Variants in NLGN4X observed in about 807,000 individuals in gnomAD.
The protein encoded by NLGN4X is neuroligin-4, X-linked.
In NLGN4X, 3 loss-of-function variants were observed where a neutral mutation model predicts 40.3. The ratio of observed to expected loss-of-function variants is 0.07; its 90% CI spans 0.03 to 0.19. The LOEUF is 0.19. Among genes scored for constraint, NLGN4X ranks in the 10% least tolerant of loss-of-function variants. The pLI is 1.00. For synonymous variants in NLGN4X, 270 were observed against 306.8 expected (o/e 0.88, Z 1.25); for missense variants, 382 against 708.3 (o/e 0.54, Z 5.23).
At position 5,890,462 on chromosome X, in the gene NLGN4X, G is replaced by A. The variant is rs138160519; in HGVS notation, c.*2355C>T. The stretch of plus-strand genomic sequence containing the variant: ...CTTATTCAAATGTCACAAGCCTGAC[G>A]CGTTACTGTACATATTGCTAGCAGG... On this transcript the variant is annotated 3_prime_UTR_variant, in exon 6 of 6. Transcript: ENST00000381095. 18 of 260,925 alleles carry A rather than the reference G, an allele frequency of 6.9e-5. No homozygotes were observed. Among genetic ancestry groups the A allele is most frequent in the Admixed American group, 3.3e-4 (7 of 21,022 alleles). The allele number at this position is 260,925 out of a possible 1,213,427, so 21.5% of individuals were successfully genotyped here. A position where few individuals can be genotyped will look rare whatever the true frequency, so the allele number is the denominator to read the frequency against.
intron 1 of NLGN4X, among the ~76,000 whole-genome samples, chrX:6,191,302 A>C (rs1208970086): frequency 9.0e-6 from 1 of 111,615 alleles, no homozygotes; most frequent in African/African-American, 3.3e-5. Flanking sequence ...TGTTGCACAC[A>C]GGCAGACAGA....
At chrX:6,087,411 A>G (rs758166717) in intron 2 of NLGN4X, among the ~76,000 whole-genome samples, 8 of 111,945 alleles carry the variant, frequency 7.1e-5, no homozygotes, top group Non-Finnish European at 1.3e-4. Context: ...GTGCATACAT[A>G]GGTTTAAGGA....
At chrX:6,163,503 C>A (rs1195226938) in intron 1 of NLGN4X, among the ~76,000 whole-genome samples, 1 of 111,974 alleles carries the variant, frequency 8.9e-6, no homozygotes, top group Non-Finnish European at 1.9e-5. Flanking sequence ...ATGAAGCCAG[C>A]CTGTGCTCCA....
chrX:6,082,583 A>T (rs1021991522), intron 2 of NLGN4X, among the ~76,000 whole-genome samples: 1 of 111,468 alleles, frequency 9.0e-6, no homozygotes, highest in African/African-American at 3.3e-5. Flanking sequence ...GATGTATCTA[A>T]TAGATAGATA....
At chrX:5,917,803 C>A (rs757289789) in intron 3 of NLGN4X, among the ~76,000 whole-genome samples, 4 of 112,234 alleles carry the variant, frequency 3.6e-5, no homozygotes, top group African/African-American at 1.3e-4. Flanking sequence ...AAATTGACTG[C>A]TGGTCAAATT....
Position 5,905,184 on chromosome X carries a change from T to C in NLGN4X, c.812-1318A>G, listed in dbSNP as rs539579975. Among the ~76,000 whole-genome samples the C allele has an allele frequency of 9.8e-5, 11 of 111,785 alleles. No homozygotes were observed. The South Asian group carries it at 4.1e-3, about 42-fold the overall frequency. On this transcript the variant is annotated intron_variant, in intron 4 of 5. Transcript: ENST00000381095. Reference sequence around the variant, plus strand: ...GTGAGAAGTTCCTTTCCCGCCCTTCTCATAAGTACTGGCAATAATTTAGGC... The same window carrying C: ...GTGAGAAGTTCCTTTCCCGCCCTTCCCATAAGTACTGGCAATAATTTAGGC...
At position 6,172,040 on chromosome X, in the gene NLGN4X, G is replaced by A. The variant is rs183744817; in HGVS notation, c.-305-20269C>T. ...CTTCACCTTCTGTCATGATTGACACGTTCCTGAGGCCTCCCCAGGAGCCGC... is the reference window on the plus strand; with the variant it reads ...CTTCACCTTCTGTCATGATTGACACATTCCTGAGGCCTCCCCAGGAGCCGC... On this transcript the variant is annotated intron_variant, in intron 1 of 5. Coordinates refer to ENST00000381095, the MANE Select transcript of NLGN4X (RefSeq NM_181332.3). Among the ~76,000 whole-genome samples, 506 of 111,565 alleles carry A rather than the reference G, an allele frequency of 4.5e-3. 3 individuals carry two copies. Among genetic ancestry groups the A allele is most frequent in the Non-Finnish European group, 7.3e-3 (390 of 53,085 alleles).
intron 3 of NLGN4X, among the ~76,000 whole-genome samples, chrX:5,922,215 T>G (rs1350680909): frequency 9.0e-6 from 1 of 111,342 alleles, no homozygotes; most frequent in Non-Finnish European, 1.9e-5. Context: ...GTGTGTCAGA[T>G]TTCACCTCTT....
intron 1 of NLGN4X, among the ~76,000 whole-genome samples, chrX:6,167,107 A>G (rs2040516336): frequency 9.3e-6 from 1 of 107,665 alleles, no homozygotes; most frequent in Non-Finnish European, 1.9e-5. Context: ...AATAAAAGGC[A>G]AATATCTCCA....
intron 1 of NLGN4X, among the ~76,000 whole-genome samples, chrX:6,208,802 T>C (rs1244268161): frequency 8.9e-6 from 1 of 111,764 alleles, no homozygotes; most frequent in Non-Finnish European, 1.9e-5. Context: ...TTAGTATAAG[T>C]TCTATGGAAA....
intron 3 of NLGN4X, among the ~76,000 whole-genome samples, chrX:5,957,174 A>G (rs764279184): frequency 8.9e-6 from 1 of 112,194 alleles, no homozygotes; most frequent in East Asian, 2.8e-4. Flanking sequence ...ATAGTTACTG[A>G]TAGATATTTA....
At chrX:6,162,654 A>G (rs2040423161) in intron 1 of NLGN4X, among the ~76,000 whole-genome samples, 1 of 108,689 alleles carries the variant, frequency 9.2e-6, no homozygotes. Context: ...TACTTGATAA[A>G]CTCCCCTTTA....
chrX:6,161,806 CAAAT>C (rs1264651545), intron 1 of NLGN4X, among the ~76,000 whole-genome samples: 3 of 109,952 alleles, frequency 2.7e-5, no homozygotes, highest in Non-Finnish European at 3.8e-5. Context: ...GAGAGACTGA[CAAAT>C]AATTAGTTTG....
intron 2 of NLGN4X, among the ~76,000 whole-genome samples, chrX:6,071,489 T>G (rs1359326273): frequency 9.0e-6 from 1 of 111,569 alleles, no homozygotes; most frequent in Non-Finnish European, 1.9e-5. Context: ...ATATGAGAAG[T>G]GCTCTTACCA....
At chrX:6,044,590 T>C (rs1446993258) in intron 2 of NLGN4X, among the ~76,000 whole-genome samples, 1 of 111,125 alleles carries the variant, frequency 9.0e-6, no homozygotes, top group African/African-American at 3.3e-5. Context: ...GGATTTATGT[T>C]ATTACGGATT....
At chrX:6,194,291 C>T (rs1922849903) in intron 1 of NLGN4X, among the ~76,000 whole-genome samples, 1 of 112,237 alleles carries the variant, frequency 8.9e-6, no homozygotes, top group African/African-American at 3.2e-5. Flanking sequence ...TATATCATCT[C>T]CATTGGATCA....
intron 2 of NLGN4X, among the ~76,000 whole-genome samples, chrX:6,128,516 G>A (rs1210628981): frequency 1.8e-5 from 2 of 111,994 alleles, no homozygotes; most frequent in Non-Finnish European, 3.8e-5. Context: ...CTCTAATTAT[G>A]TAATGGATTC....
At chrX:6,078,961 G>A (rs1006109386) in intron 2 of NLGN4X, among the ~76,000 whole-genome samples, 2 of 111,489 alleles carry the variant, frequency 1.8e-5, no homozygotes, top group African/African-American at 6.5e-5. Context: ...TTTATATGGG[G>A]TTCTTCCTCC....
chrX:6,021,049 C>T (rs796105317), intron 3 of NLGN4X, among the ~76,000 whole-genome samples: 1,051 of 13,254 alleles, frequency 0.079, 11 homozygotes, highest in East Asian at 0.11. Flanking sequence ...TCTCTCTCTC[C>T]CTCCCTCCCT....
Sources: allele counts gnomAD v4.1 joint callset (sites outside exome capture counted in the v4.1 genomes callset), GRCh38; gene constraint gnomAD v4.1.1; transcripts MANE v1.5; gene names NCBI Gene and HGNC (gene_info 2026-07-23, HGNC 2026-07-21).